ZHX2: variants seen among roughly 807,000 people sequenced by gnomAD.
ZHX2 encodes the protein zinc fingers and homeoboxes 2, also known as zinc fingers and homeoboxes protein 2.
A neutral mutation model predicts 21.9 loss-of-function variants in ZHX2; 6 were observed. The observed-to-expected ratio is 0.27, with a 90% CI of 0.15 to 0.54. ZHX2 has a LOEUF of 0.54. ZHX2 is among the 20% of genes least tolerant of loss of function. ZHX2 has a pLI of 0.95. For synonymous variants in ZHX2, 434 were observed against 437.1 expected (o/e 0.99, Z 0.09); for missense variants, 908 against 1,090.7 (o/e 0.83, Z 2.36).
At chr8:122,949,622 T>C (rs138916245) in intron 2 of ZHX2, among the ~76,000 whole-genome samples, 2,153 of 152,212 alleles carry the variant, frequency 0.014, 45 homozygotes, top group Admixed American at 0.057. Flanking sequence ...AGCACGTGGA[T>C]AACTTGAGCC....
intron 1 of ZHX2, among the ~76,000 whole-genome samples, chr8:122,854,846 C>T (rs1818991839): frequency 6.6e-6 from 1 of 152,112 alleles, no homozygotes; most frequent in Admixed American, 6.5e-5. Context: ...CCCCTGTGGG[C>T]GTTTTTACTT....
intron 1 of ZHX2, among the ~76,000 whole-genome samples, chr8:122,819,697 C>G (rs1358551717): frequency 6.6e-6 from 1 of 152,248 alleles, no homozygotes; most frequent in Non-Finnish European, 1.5e-5. Flanking sequence ...CCTGGCCCCA[C>G]AGGCATCGGC....
intron 2 of ZHX2, among the ~76,000 whole-genome samples, chr8:122,921,466 G>A (rs970481405): frequency 7.2e-5 from 11 of 152,060 alleles, no homozygotes; most frequent in East Asian, 1.9e-4. Context: ...CCCCACCACC[G>A]CTGCTGCCCC....
intron 1 of ZHX2, among the ~76,000 whole-genome samples, chr8:122,813,884 G>C (rs1379594226): frequency 6.6e-6 from 1 of 151,998 alleles, no homozygotes; most frequent in African/African-American, 2.4e-5. Context: ...TTTATGTAGT[G>C]CTTATTCTCT....
intron 2 of ZHX2, among the ~76,000 whole-genome samples, chr8:122,938,796 C>T (rs1034118805): frequency 6.6e-6 from 1 of 151,786 alleles, no homozygotes; most frequent in African/African-American, 2.4e-5. Context: ...TGAAATCACA[C>T]CACTGCACTC....
intron 1 of ZHX2, among the ~76,000 whole-genome samples, chr8:122,829,197 C>T (rs117202414): frequency 2.6e-5 from 4 of 152,322 alleles, no homozygotes; most frequent in East Asian, 1.9e-4. Context: ...AAAGCCACAC[C>T]GCTGGTAAAT....
chr8:122,891,269 ATTGT>A (rs1424534134), intron 2 of ZHX2, among the ~76,000 whole-genome samples: 49 of 138,842 alleles, frequency 3.5e-4, no homozygotes, highest in East Asian at 1.5e-3. Context: ...ATCTTGGTAG[ATTGT>A]GTGTGTGTGT....
chr8:122,938,646 G>A (rs1047693922), intron 2 of ZHX2, among the ~76,000 whole-genome samples: 1 of 152,076 alleles, frequency 6.6e-6, no homozygotes, highest in Admixed American at 6.6e-5. Flanking sequence ...ACACCAGCCT[G>A]GGCAACATGG....
chr8:122,812,137 A>G (rs1371019559), intron 1 of ZHX2: 2 of 152,212 alleles, frequency 1.3e-5, no homozygotes, highest in African/African-American at 4.8e-5. Context: ...GGGAAAGAGC[A>G]TTCCAGGCAG....
chr8:122,946,596 G>A (rs758873873), intron 2 of ZHX2, among the ~76,000 whole-genome samples: 71 of 152,000 alleles, frequency 4.7e-4, no homozygotes, highest in Non-Finnish European at 9.1e-4. Flanking sequence ...TAAATAATGC[G>A]GGATATGGGA....
intron 2 of ZHX2, among the ~76,000 whole-genome samples, chr8:122,883,007 A>C (rs1037579980): frequency 6.6e-6 from 1 of 152,022 alleles, no homozygotes; most frequent in Admixed American, 6.6e-5. Context: ...CAAACAAAAA[A>C]TCACATCACT....
intron 1 of ZHX2, among the ~76,000 whole-genome samples, chr8:122,855,717 T>G (rs1432359490): frequency 6.6e-6 from 1 of 152,090 alleles, no homozygotes; most frequent in Non-Finnish European, 1.5e-5. Flanking sequence ...CCTCTGGAAA[T>G]TTTATTTAGA....
chr8:122,843,517 G>A (rs1456789247), intron 1 of ZHX2, among the ~76,000 whole-genome samples: 1 of 152,202 alleles, frequency 6.6e-6, no homozygotes, highest in Non-Finnish European at 1.5e-5. Flanking sequence ...GGCCCCCACC[G>A]TGAGACAGCA....
intron 1 of ZHX2, among the ~76,000 whole-genome samples, chr8:122,810,935 C>T (rs144260186): frequency 0.015 from 2,278 of 152,242 alleles, 33 homozygotes; most frequent in South Asian, 0.061. Context: ...TTATAGACAA[C>T]CTGGACCCAG....
intron 1 of ZHX2, among the ~76,000 whole-genome samples, chr8:122,802,403 C>A (rs1369134622): frequency 6.6e-6 from 1 of 152,228 alleles, no homozygotes; most frequent in Non-Finnish European, 1.5e-5. Flanking sequence ...GCTGGGTTCA[C>A]TCTGCCCATC....
chr8:122,841,268 C>G (rs994489621), intron 1 of ZHX2, among the ~76,000 whole-genome samples: 2 of 152,106 alleles, frequency 1.3e-5, no homozygotes, highest in African/African-American at 4.8e-5. Context: ...CTGGGGATAG[C>G]GGGAAGTCAG....
chr8:122,969,998 G>T (rs544640317), intron 3 of ZHX2, among the ~76,000 whole-genome samples: 1 of 152,230 alleles, frequency 6.6e-6, no homozygotes, highest in Non-Finnish European at 1.5e-5. Context: ...CAGAAAGGGA[G>T]GGTGGGAGGC....
intron 2 of ZHX2, among the ~76,000 whole-genome samples, chr8:122,883,536 G>A (rs1819764860): frequency 1.3e-5 from 2 of 152,150 alleles, no homozygotes; most frequent in Non-Finnish European, 2.9e-5. Context: ...CAACATATGT[G>A]TTCCCCCAAA....
At chr8:122,802,735 C>CTG (rs1817743700) in intron 1 of ZHX2, among the ~76,000 whole-genome samples, 1 of 152,198 alleles carries the variant, frequency 6.6e-6, no homozygotes, top group Admixed American at 6.5e-5. Context: ...GAGATGTGTT[C>CTG]TGGGTCCCAA....
Sources: allele counts gnomAD v4.1 joint callset (sites outside exome capture counted in the v4.1 genomes callset), GRCh38; gene constraint gnomAD v4.1.1; transcripts MANE v1.5; gene names NCBI Gene and HGNC (gene_info 2026-07-23, HGNC 2026-07-21).